CDYL2: variants seen among roughly 807,000 people sequenced by gnomAD.
CDYL2 encodes chromodomain Y like 2, also known as chromodomain Y-like protein 2.
In CDYL2, 23 loss-of-function variants were observed where a neutral mutation model predicts 49.4. That is an observed-to-expected ratio of 0.47 (90% CI 0.34 to 0.66). The LOEUF (loss-of-function observed/expected upper bound fraction) is 0.66, where lower values mean the gene tolerates loss of function less well. Ranked by LOEUF, CDYL2 falls within the 30% of genes least tolerant of loss-of-function variation. The probability of loss-of-function intolerance (pLI) is 0.01; values close to 1 mark genes in which losing one functional copy is unlikely to be tolerated. For missense variants in CDYL2, 678 were observed against 656.4 expected, an observed-to-expected ratio of 1.03 and a Z score of -0.36; for synonymous variants, 360 against 268.8, an observed-to-expected ratio of 1.34 and a Z score of -3.32.
intron 1 of CDYL2, among the ~76,000 whole-genome samples, chr16:80,692,140 T>C (rs143250663): frequency 3.9e-4 from 60 of 152,332 alleles, no homozygotes; most frequent in African/African-American, 1.4e-3. Flanking sequence ...AATCAAGTCA[T>C]AATAGAAGAA....
intron 1 of CDYL2, among the ~76,000 whole-genome samples, chr16:80,719,701 T>C (rs905028496): frequency 6.6e-6 from 1 of 152,184 alleles, no homozygotes; most frequent in African/African-American, 2.4e-5. Context: ...TTGTCCTCTC[T>C]ACTGTGAACC....
At chr16:80,664,805 A>T (rs905028064) in intron 2 of CDYL2, among the ~76,000 whole-genome samples, 2 of 152,168 alleles carry the variant, frequency 1.3e-5, no homozygotes, top group African/African-American at 4.8e-5. Context: ...TTTCACCTGC[A>T]TATACCTCAG....
At chr16:80,618,342 T>A (rs1567542332) in intron 4 of CDYL2, among the ~76,000 whole-genome samples, 1 of 152,200 alleles carries the variant, frequency 6.6e-6, no homozygotes, top group Non-Finnish European at 1.5e-5. Flanking sequence ...TCTTTCTCCA[T>A]GAATTTGGTT....
intron 2 of CDYL2, among the ~76,000 whole-genome samples, chr16:80,641,672 T>A (rs77807836): frequency 0.041 from 5,864 of 144,212 alleles, 390 homozygotes; most frequent in African/African-American, 0.14. Flanking sequence ...CTGCGTGTTC[T>A]CACTCATAGG....
chr16:80,641,350 C>T (rs896367778), intron 2 of CDYL2, among the ~76,000 whole-genome samples: 2 of 151,810 alleles, frequency 1.3e-5, no homozygotes, highest in African/African-American at 4.8e-5. Context: ...CAAAACAAAA[C>T]AAAACAAAAA....
chr16:80,695,091 G>C (rs1597180026), intron 1 of CDYL2, among the ~76,000 whole-genome samples: 1 of 152,238 alleles, frequency 6.6e-6, no homozygotes, highest in Non-Finnish European at 1.5e-5. Context: ...TCAGCAGTTA[G>C]CCAATTATGG....
At chr16:80,667,578 A>G (rs1169104259) in intron 2 of CDYL2, among the ~76,000 whole-genome samples, 1 of 152,140 alleles carries the variant, frequency 6.6e-6, no homozygotes, top group East Asian at 1.9e-4. Context: ...GAGGTATTGC[A>G]GTTATTTGTC....
intron 1 of CDYL2, among the ~76,000 whole-genome samples, chr16:80,783,640 G>A (rs1028413389): frequency 2.2e-4 from 34 of 152,114 alleles, no homozygotes; most frequent in African/African-American, 7.0e-4. Flanking sequence ...AAAATACCAC[G>A]AAATATTATT....
intron 1 of CDYL2, among the ~76,000 whole-genome samples, chr16:80,759,830 A>G (rs977956232): frequency 1.1e-4 from 16 of 152,214 alleles, no homozygotes; most frequent in African/African-American, 3.6e-4. Context: ...CCAGGAAACT[A>G]CCAGGGGAAT....
chr16:80,655,189 T>C (rs755004964), intron 2 of CDYL2, among the ~76,000 whole-genome samples: 16 of 152,210 alleles, frequency 1.1e-4, no homozygotes, highest in Non-Finnish European at 1.8e-4. Flanking sequence ...TTTGCCATTC[T>C]AGTTAGTCCA....
intron 1 of CDYL2, among the ~76,000 whole-genome samples, chr16:80,720,783 T>A (rs1904971743): frequency 6.6e-6 from 1 of 152,200 alleles, no homozygotes; most frequent in African/African-American, 2.4e-5. Context: ...TTCAGTAGGC[T>A]GGCCTGGGAA....
intron 1 of CDYL2, among the ~76,000 whole-genome samples, chr16:80,707,082 G>A (rs1904430655): frequency 6.6e-6 from 1 of 152,176 alleles, no homozygotes; most frequent in African/African-American, 2.4e-5. Context: ...CCTGCACCCA[G>A]AGCCTGCCCC....
intron 1 of CDYL2, among the ~76,000 whole-genome samples, chr16:80,752,827 C>T (rs141712577): frequency 3.0e-4 from 45 of 152,248 alleles, no homozygotes; most frequent in African/African-American, 8.9e-4. Flanking sequence ...AGAGATGGAA[C>T]AAGATGTGCA....
At chr16:80,706,597 G>A (rs755723803) in intron 1 of CDYL2, among the ~76,000 whole-genome samples, 83 of 152,256 alleles carry the variant, frequency 5.5e-4, no homozygotes, top group Non-Finnish European at 4.7e-4. Context: ...CCACCAAGCC[G>A]CTAGGGGCAG....
Position 80,719,966 on chromosome 16 carries a change from T to C in CDYL2, c.25-34837A>G, listed in dbSNP as rs113819145. ...CAAACCCTGATCATCTGGGAAGGGA[T>C]TCAAATCTATCATTGATATTCCCTG... On this transcript the variant is annotated intron_variant, in intron 1 of 6. Coordinates refer to ENST00000570137, the MANE Select transcript of CDYL2 (RefSeq NM_152342.4). 7.6e-3 allele frequency among the ~76,000 whole-genome samples: 1,156 copies of C among 152,162 alleles called. 21 individuals carry two copies. The highest frequency in any genetic ancestry group is 0.026 in the African/African-American group (1,077 of 41,426).
At chr16:80,627,797 C>A (rs970383040) in intron 3 of CDYL2, 1 of 152,204 alleles carries the variant, frequency 6.6e-6, no homozygotes, top group Non-Finnish European at 1.5e-5. Flanking sequence ...TAGTCCCAGA[C>A]TGCTATGCAT....
intron 1 of CDYL2, among the ~76,000 whole-genome samples, chr16:80,764,135 T>C (rs1343408720): frequency 6.6e-6 from 1 of 152,152 alleles, no homozygotes; most frequent in East Asian, 1.9e-4. Flanking sequence ...AAGCATTTGA[T>C]AAAAAGCAGA....
intron 2 of CDYL2, among the ~76,000 whole-genome samples, chr16:80,679,305 G>A (rs1214855478): frequency 7.4e-6 from 1 of 134,378 alleles, no homozygotes; most frequent in East Asian, 2.1e-4. Context: ...CAAACAAGGA[G>A]GGTGTCAAAG....
At chr16:80,756,356 A>G (rs57023044) in intron 1 of CDYL2, among the ~76,000 whole-genome samples, 2,939 of 152,276 alleles carry the variant, frequency 0.019, 92 homozygotes, top group African/African-American at 0.068. Flanking sequence ...ACAAACACAC[A>G]CAATGAGGAA....
Sources: gnomAD v4.1 joint callset for allele counts (sites outside exome capture counted in the v4.1 genomes callset) on GRCh38, gnomAD v4.1.1 for gene constraint, MANE v1.5 for transcripts, NCBI Gene and HGNC (gene_info 2026-07-23, HGNC 2026-07-21) for gene names.